The following EHMT1 variants were observed in gnomAD, a reference collection of about 807,000 sequenced individuals.
The protein encoded by EHMT1 is histone-lysine N-methyltransferase EHMT1.
EHMT1 carries 15 observed loss-of-function variants against 147.2 expected under a neutral mutation model. The ratio of observed to expected loss-of-function variants is 0.10; its 90% CI spans 0.07 to 0.16. EHMT1 has a LOEUF of 0.16. Among genes scored for constraint, EHMT1 ranks in the 10% least tolerant of loss-of-function variants. EHMT1 has a pLI of 1.00. For missense variants in EHMT1, 1,587 were observed against 1,772.4 expected, an observed-to-expected ratio of 0.90 and a Z score of 1.88; for synonymous variants, 795 against 709.6, an observed-to-expected ratio of 1.12 and a Z score of -1.91.
intron 1 of EHMT1, among the ~76,000 whole-genome samples, chr9:137,672,356 G>A (rs888641726): frequency 8.6e-5 from 13 of 150,308 alleles, no homozygotes; most frequent in Middle Eastern, 3.4e-3. Flanking sequence ...ATGTTAACAT[G>A]TAGTAGGTTT....
chr9:137,705,703 G>A (rs567408338), intron 1 of EHMT1, among the ~76,000 whole-genome samples: 1 of 152,294 alleles, frequency 6.6e-6, no homozygotes, highest in Admixed American at 6.5e-5. Context: ...CTGACTGAGC[G>A]AGAAGCCCCA....
intron 2 of EHMT1, among the ~76,000 whole-genome samples, chr9:137,714,073 T>C (rs1043795549): frequency 6.6e-6 from 1 of 152,238 alleles, no homozygotes; most frequent in African/African-American, 2.4e-5. Context: ...CATAAAAGCT[T>C]GTGTCATCTT....
chr9:137,738,218 A>C (rs556979643), intron 4 of EHMT1, among the ~76,000 whole-genome samples: 2 of 150,594 alleles, frequency 1.3e-5, no homozygotes, highest in African/African-American at 2.5e-5. Flanking sequence ...CAAAAAAAAA[A>C]CAACAAAAAA....
At chr9:137,678,940 A>G (rs1002667069) in intron 1 of EHMT1, among the ~76,000 whole-genome samples, 6 of 151,922 alleles carry the variant, frequency 3.9e-5, no homozygotes, top group Admixed American at 2.0e-4. Context: ...GAATTTGTTT[A>G]TTTATCTTAT....
chr9:137,755,342 T>G (rs1019109908), intron 8 of EHMT1, among the ~76,000 whole-genome samples: 1 of 152,304 alleles, frequency 6.6e-6, no homozygotes. Context: ...ACTGTGTGGT[T>G]GTTTTTCATC....
chr9:137,784,164 C>G, intron 15 of EHMT1: 4 of 1,551,248 alleles, frequency 2.6e-6, no homozygotes, highest in Non-Finnish European at 3.5e-6. Flanking sequence ...ATGGTGAGGA[C>G]CTCGTGCTGT....
intron 1 of EHMT1, among the ~76,000 whole-genome samples, chr9:137,633,759 C>T (rs763947313): frequency 2.2e-4 from 33 of 152,140 alleles, no homozygotes; most frequent in Non-Finnish European, 3.8e-4. Context: ...CCCCGACCCC[C>T]GACACTGCTC....
chr9:137,816,380 A>G, intron 23 of EHMT1: 1 of 413,780 alleles, frequency 2.4e-6, no homozygotes. Context: ...ACATTCTTCA[A>G]CAGGTTAGGG....
intron 1 of EHMT1, among the ~76,000 whole-genome samples, chr9:137,635,761 A>C (rs939841737): frequency 4.0e-5 from 6 of 150,854 alleles, no homozygotes; most frequent in Non-Finnish European, 7.4e-5. Flanking sequence ...CGGAGCTTGC[A>C]GTGAGCTGAG....
intron 22 of EHMT1, 106 bp from the exon 23 acceptor site, chr9:137,815,841 T>A (rs1954876387): frequency 1.0e-6 from 1 of 962,926 alleles, no homozygotes; most frequent in South Asian, 1.4e-5. Flanking sequence ...CCATCGTTTT[T>A]ATGTCCGTTT....
At chr9:137,781,430 G>C (rs113237072) in intron 14 of EHMT1, among the ~76,000 whole-genome samples, 3,002 of 150,016 alleles carry the variant, frequency 0.02, 111 homozygotes, top group African/African-American at 0.071. Flanking sequence ...GATGTGTGGT[G>C]ATGACGCTGG....
chr9:137,620,100 C>G (rs1006631639), intron 1 of EHMT1: 4 of 151,874 alleles, frequency 2.6e-5, no homozygotes, highest in African/African-American at 9.7e-5. Flanking sequence ...TATTTTTTTC[C>G]TGCATTTTTG....
intron 1 of EHMT1, among the ~76,000 whole-genome samples, chr9:137,636,872 A>AT (rs908138820): frequency 7.0e-5 from 8 of 113,806 alleles, no homozygotes; most frequent in Non-Finnish European, 9.7e-5. Context: ...AAAATTTATT[A>AT]TTTTTTTTTG....
chr9:137,724,174 T>G (rs1946362854), intron 3 of EHMT1, among the ~76,000 whole-genome samples: 1 of 152,198 alleles, frequency 6.6e-6, no homozygotes, highest in Non-Finnish European at 1.5e-5. Flanking sequence ...AGAGAGGTGG[T>G]GCCTGTTGGT....
chr9:137,815,908 G>A (rs1450955023), intron 22 of EHMT1, 39 bp from the exon 23 acceptor site: 6 of 1,513,998 alleles, frequency 4.0e-6, no homozygotes, highest in Non-Finnish European at 5.4e-6. Context: ...TAAAGAGTGA[G>A]TAACCTCTGC....
At chr9:137,794,300 C>G (rs746301506) in intron 16 of EHMT1, among the ~76,000 whole-genome samples, 1 of 151,954 alleles carries the variant, frequency 6.6e-6, no homozygotes, top group Non-Finnish European at 1.5e-5. Context: ...TAAATATTTG[C>G]ACATTAGGCT....
chr9:137,719,492 C>G (rs1304438726), intron 3 of EHMT1, among the ~76,000 whole-genome samples: 2 of 152,198 alleles, frequency 1.3e-5, no homozygotes, highest in Non-Finnish European at 2.9e-5. Context: ...ACTGCCCTAG[C>G]CCTGGGGCTT....
intron 1 of EHMT1, among the ~76,000 whole-genome samples, chr9:137,696,619 A>G (rs1317186412): frequency 6.6e-6 from 1 of 152,202 alleles, no homozygotes; most frequent in African/African-American, 2.4e-5. Context: ...CCTTCCTTCT[A>G]ATAGTCTCCC....
At chr9:137,714,932 T>C (rs530246127) in intron 2 of EHMT1, among the ~76,000 whole-genome samples, 6 of 152,358 alleles carry the variant, frequency 3.9e-5, no homozygotes, top group South Asian at 2.1e-4. Context: ...AACTTTTTTT[T>C]CAACACATTG....
Sources: gnomAD v4.1 joint callset for allele counts (sites outside exome capture counted in the v4.1 genomes callset) on GRCh38, gnomAD v4.1.1 for gene constraint, MANE v1.5 for transcripts, NCBI Gene and HGNC (gene_info 2026-07-23, HGNC 2026-07-21) for gene names.